NHS: variants seen among roughly 807,000 people sequenced by gnomAD.
NHS encodes NHS actin remodeling regulator.
A neutral mutation model predicts 72.5 loss-of-function variants in NHS; 5 were observed. The observed-to-expected ratio is 0.07, with a 90% CI of 0.04 to 0.14. The LOEUF (loss-of-function observed/expected upper bound fraction) is 0.14. Ranked by LOEUF, NHS falls within the 10% of genes least tolerant of loss-of-function variation. The pLI is 1.00. For missense variants in NHS, 1,072 were observed against 1,355.7 expected (o/e 0.79, Z 3.29); for synonymous variants, 464 against 547.7 (o/e 0.85, Z 2.13).
chrX:17,648,720 T>C (rs373654900), intron 1 of NHS, among the ~76,000 whole-genome samples: 2 of 112,023 alleles, frequency 1.8e-5, no homozygotes, highest in East Asian at 5.6e-4. Flanking sequence ...TCATGGGTCA[T>C]GAAAGAAAAA....
chrX:17,413,019 T>C lies in NHS; in HGVS notation c.565+36697T>C, dbSNP rs2064569515. 2.7e-5 allele frequency among the ~76,000 whole-genome samples: 3 copies of C among 112,536 alleles called. No individual in the cohort carries two copies. The Admixed American group carries it at 2.8e-4, about 11-fold the overall frequency. On this transcript the variant is annotated intron_variant, in intron 1 of 8. Coordinates refer to ENST00000676302, the MANE Select transcript of NHS (RefSeq NM_001291867.2). ...TGGGCTGAAGTTTGTCAGCCTCCGA[T>C]CTTAACTATGAAGCTTTTAAACTTA... is the stretch of plus-strand genomic sequence containing the variant.
rs367919114 is a variant in NHS at position 17,732,379 on chromosome X, C to T, written c.4871C>T (p.Thr1624Met). 32 of 1,211,491 alleles carry T rather than the reference C, an allele frequency of 2.6e-5. No homozygotes were observed. Among genetic ancestry groups the T allele is most frequent in the East Asian group, 1.5e-4 (5 of 33,822 alleles). ...RYSVRCRLYN[T>M]PMQAISEGET... is the part of the protein sequence containing the mutation. ...AGTGTCCGCTGCCGGCTGTACAATA[C>T]GCCCATGCAGGCAATCTCCGAGGGA... The change falls in exon 9 of 9, where the codon ACG (threonine) becomes ATG (methionine). Residue 1624 changes from threonine to methionine, a missense_variant. Thr to Met is a moderately conservative substitution (Grantham distance 81, BLOSUM62 -1). Transcript: ENST00000676302.
Position 17,725,957 on chromosome X carries a change from T to G in NHS, c.1851T>G (p.Leu617=). The change falls in exon 7 of 9, where the codon CTT becomes CTG. Residue 617 remains leucine (L), a synonymous_variant. Coordinates refer to ENST00000676302, the MANE Select transcript of NHS (RefSeq NM_001291867.2). ...GCATCTCCACGGCTGGCGTCCTCCT[T>G]AGCAGCCACATGGACCAGAAAGATG... ...IHCISTAGVL[L]SSHMDQKDDH... is the part of the protein sequence containing the mutation. 1.7e-6 allele frequency: 2 copies of G among 1,211,574 alleles called. No homozygotes were observed. The highest frequency in any genetic ancestry group is 3.5e-5 in the African/African-American group (2 of 57,718).
At chrX:17,589,863 G>T (rs967869176) in intron 1 of NHS, among the ~76,000 whole-genome samples, 1 of 111,147 alleles carries the variant, frequency 9.0e-6, no homozygotes, top group African/African-American at 3.3e-5. Context: ...ATATTTTTTT[G>T]ATTATGCCCA....
At chrX:17,541,767 A>AACACACACACACACAC (rs57700886) in intron 1 of NHS, among the ~76,000 whole-genome samples, 4,892 of 62,790 alleles carry the variant, frequency 0.078, 436 homozygotes, top group African/African-American at 0.1. Context: ...TGAGTTTGCG[A>AACACACACACACACAC]ACACACACAC....
At chrX:17,423,811 A>C (rs963001986) in intron 1 of NHS, among the ~76,000 whole-genome samples, 1 of 112,502 alleles carries the variant, frequency 8.9e-6, no homozygotes, top group African/African-American at 3.2e-5. Flanking sequence ...AAGGCAAGGC[A>C]GCGAATGCCT....
chrX:17,608,153 G>A (rs918200237), intron 1 of NHS, among the ~76,000 whole-genome samples: 1 of 110,046 alleles, frequency 9.1e-6, no homozygotes, highest in African/African-American at 3.3e-5. Flanking sequence ...GGGCTTGAGC[G>A]ATCCCCCTGC....
intron 1 of NHS, among the ~76,000 whole-genome samples, chrX:17,650,927 A>G (rs1368290537): frequency 1.8e-5 from 2 of 112,257 alleles, no homozygotes; most frequent in Admixed American, 9.4e-5. Flanking sequence ...TGGAATCTGT[A>G]TCGTGGAGTC....
Position 17,732,414 on chromosome X carries a change from A to T in NHS, c.4906A>T (p.Asn1636Tyr). ...GGCAATCTCCGAGGGAGAGACGGAA[A>T]ATTCTGACGGGAGCCCACATGACGA... ...MQAISEGETE[N>Y]SDGSPHDDRS... The change falls in exon 9 of 9, where the codon AAT becomes TAT. Residue 1636 changes from asparagine (N) to tyrosine (Y), a missense_variant. By Grantham distance (143) the Asn-to-Tyr change is moderately radical. Transcript: ENST00000676302. The T allele has an allele frequency of 8.2e-7, 1 of 1,212,404 alleles. No individual in the cohort carries two copies. The highest frequency in any genetic ancestry group is 1.1e-6 in the Non-Finnish European group (1 of 895,662).
intron 1 of NHS, among the ~76,000 whole-genome samples, chrX:17,448,728 G>A (rs1029693012): frequency 1.8e-5 from 2 of 111,887 alleles, no homozygotes; most frequent in African/African-American, 6.5e-5. Flanking sequence ...AAGGTGAGGA[G>A]AATTTTTGTC....
At chrX:17,619,495 G>A (rs1490230138) in intron 1 of NHS, among the ~76,000 whole-genome samples, 2 of 112,352 alleles carry the variant, frequency 1.8e-5, no homozygotes, top group Admixed American at 1.9e-4. Flanking sequence ...TTTCAGAGGG[G>A]CATGTAGAAC....
chrX:17,608,403 A>G (rs1212229351), intron 1 of NHS, among the ~76,000 whole-genome samples: 5 of 112,079 alleles, frequency 4.5e-5, no homozygotes, highest in Non-Finnish European at 9.4e-5. Flanking sequence ...CTTTGAACAC[A>G]TTTCCAGGTA....
intron 1 of NHS, among the ~76,000 whole-genome samples, chrX:17,517,520 A>G (rs1238964354): frequency 8.9e-6 from 1 of 112,163 alleles, no homozygotes; most frequent in Non-Finnish European, 1.9e-5. Context: ...TGTCATTTGC[A>G]TTGTGTGCCT....
At chrX:17,500,423 G>C (rs781667369) in intron 1 of NHS, among the ~76,000 whole-genome samples, 2 of 112,174 alleles carry the variant, frequency 1.8e-5, no homozygotes, top group South Asian at 3.7e-4. Context: ...AGCCTTCCTT[G>C]ATTCTGATTG....
intron 1 of NHS, among the ~76,000 whole-genome samples, chrX:17,456,596 G>A (rs1006585212): frequency 4.5e-5 from 5 of 112,214 alleles, no homozygotes; most frequent in African/African-American, 9.7e-5. Flanking sequence ...ATGAATGAGC[G>A]CCGCGTTAAG....
intron 1 of NHS, among the ~76,000 whole-genome samples, chrX:17,494,646 C>A (rs919990694): frequency 8.9e-6 from 1 of 111,897 alleles, no homozygotes; most frequent in Non-Finnish European, 1.9e-5. Flanking sequence ...GCATCACAGA[C>A]CCTCTTCCAT....
intron 1 of NHS, among the ~76,000 whole-genome samples, chrX:17,426,767 AG>A (rs2064659521): frequency 9.0e-6 from 1 of 111,685 alleles, no homozygotes; most frequent in African/African-American, 3.3e-5. Flanking sequence ...ATGAATGAGC[AG>A]GGTGCCTCTA....
chrX:17,465,870 A>G (rs2064868781), intron 1 of NHS, among the ~76,000 whole-genome samples: 2 of 112,551 alleles, frequency 1.8e-5, no homozygotes, highest in Non-Finnish European at 3.8e-5. Context: ...CTGTGTGCTC[A>G]CCCAGCGACA....
chrX:17,416,458 T>C (rs1375573150), intron 1 of NHS, among the ~76,000 whole-genome samples: 4 of 112,090 alleles, frequency 3.6e-5, no homozygotes, highest in Non-Finnish European at 5.6e-5. Context: ...TTCTTCTCTT[T>C]TTCACTGCAA....
Sources: allele counts gnomAD v4.1 joint callset (sites outside exome capture counted in the v4.1 genomes callset), GRCh38; gene constraint gnomAD v4.1.1; transcripts MANE v1.5; gene names NCBI Gene and HGNC (gene_info 2026-07-23, HGNC 2026-07-21).